Variants in PVT1 observed in about 807,000 individuals in gnomAD.
PVT1 encodes CXCR4/PVT1 fusion.
intron 2 of PVT1, among the ~76,000 whole-genome samples, chr8:127,833,413 T>C (rs1399333768): frequency 6.6e-6 from 1 of 151,916 alleles, no homozygotes; most frequent in Non-Finnish European, 1.5e-5. Flanking sequence ...CCGGGGTAAG[T>C]GAACATCAAT....
chr8:127,911,085 G>A lies in PVT1; in HGVS notation n.782+20087G>A, dbSNP rs1046116487. 1.7e-4 allele frequency among the ~76,000 whole-genome samples: 26 copies of A among 152,242 alleles called. No individual in the cohort carries two copies. In the East Asian group the frequency reaches 5.0e-3, roughly 29 times the overall value. ...ACAATCTGTCACTCCCAGAACCTGA[G>A]GCAGGCTGGACCTATAGACTTCCAC... On this transcript the variant is annotated intron_variant and non_coding_transcript_variant, in intron 3 of 10. Transcript: ENST00000651587.
intron 4 of PVT1, among the ~76,000 whole-genome samples, chr8:128,013,204 C>G (rs1817335530): frequency 1.3e-5 from 2 of 152,130 alleles, no homozygotes; most frequent in Non-Finnish European, 2.9e-5. Flanking sequence ...CTGTTTCCAT[C>G]TCCTCTGTAA....
chr8:128,080,731 A>G (rs1814164802), intron 5 of PVT1, among the ~76,000 whole-genome samples: 1 of 152,192 alleles, frequency 6.6e-6, no homozygotes, highest in Non-Finnish European at 1.5e-5. Context: ...CAGGTCATCA[A>G]TTAGTTTTTT....
At chr8:127,855,989 C>G (rs1815156057) in intron 2 of PVT1, among the ~76,000 whole-genome samples, 1 of 152,204 alleles carries the variant, frequency 6.6e-6, no homozygotes. Context: ...CATTTATATT[C>G]AAGTTCATTC....
At chr8:127,831,263 G>T (rs747905475) in intron 2 of PVT1, among the ~76,000 whole-genome samples, 5 of 151,122 alleles carry the variant, frequency 3.3e-5, no homozygotes, top group Non-Finnish European at 7.4e-5. Flanking sequence ...GACCAGTCTG[G>T]ACAACTTAGA....
chr8:127,937,598 G>C (rs888094697), intron 3 of PVT1, among the ~76,000 whole-genome samples: 2 of 149,014 alleles, frequency 1.3e-5, no homozygotes, highest in African/African-American at 5.1e-5. Flanking sequence ...GAGAGAGAGA[G>C]AGAGAGAGAG....
intron 2 of PVT1, among the ~76,000 whole-genome samples, chr8:127,852,825 T>C (rs56277625): frequency 4.6e-5 from 7 of 152,340 alleles, no homozygotes; most frequent in South Asian, 2.1e-4. Context: ...TGACATGTTC[T>C]GATGATCTGG....
At chr8:127,937,745 T>C (rs963951149) in intron 3 of PVT1, among the ~76,000 whole-genome samples, 1 of 152,196 alleles carries the variant, frequency 6.6e-6, no homozygotes, top group Non-Finnish European at 1.5e-5. Context: ...AGGAAGACTC[T>C]AGGATTACAG....
At chr8:127,861,428 G>A (rs1815226710) in intron 2 of PVT1, among the ~76,000 whole-genome samples, 1 of 152,114 alleles carries the variant, frequency 6.6e-6, no homozygotes, top group Non-Finnish European at 1.5e-5. Context: ...GGCCAACATG[G>A]CAAAACCCTG....
chr8:127,876,531 C>T (rs1815407061), intron 2 of PVT1, among the ~76,000 whole-genome samples: 1 of 151,322 alleles, frequency 6.6e-6, no homozygotes, highest in Admixed American at 6.6e-5. Flanking sequence ...CCTTCTTTCC[C>T]CTTCTCTCCC....
chr8:128,060,659 A>G (rs533616468), intron 4 of PVT1, among the ~76,000 whole-genome samples: 6 of 152,342 alleles, frequency 3.9e-5, no homozygotes, highest in African/African-American at 1.2e-4. Context: ...TTAGGCCACA[A>G]TGCCAAACAC....
chr8:127,818,501 C>T (rs570167653), intron 2 of PVT1, among the ~76,000 whole-genome samples: 3 of 152,268 alleles, frequency 2.0e-5, no homozygotes, highest in South Asian at 2.1e-4. Context: ...TCATGTATTA[C>T]GTCAGGCTCA....
chr8:127,797,125 G>A lies in PVT1; in HGVS notation n.372+1054G>A, dbSNP rs139536183. On this transcript the variant is annotated intron_variant and non_coding_transcript_variant, in intron 2 of 10. Coordinates refer to ENST00000651587, the Ensembl canonical transcript of PVT1. ...ACTCCCAGCCTCAGGTGATCCGCCC[G>A]CCTTGGCCTCCCAAAATGCTGGGAG... Among the ~76,000 whole-genome samples, 144 of 151,580 alleles carry A rather than the reference G, an allele frequency of 9.5e-4. 2 individuals carry two copies. Among genetic ancestry groups the A allele is most frequent in the African/African-American group, 3.2e-3 (132 of 41,368 alleles).
chr8:127,812,626 G>GAGGA (rs776722018), intron 2 of PVT1, among the ~76,000 whole-genome samples: 5 of 146,014 alleles, frequency 3.4e-5, no homozygotes, highest in Non-Finnish European at 6.0e-5. Flanking sequence ...GAAAGGGAGA[G>GAGGA]AGGAAGGAAG....
At chr8:128,065,026 A>G (rs1406704232) in intron 4 of PVT1, among the ~76,000 whole-genome samples, 1 of 152,140 alleles carries the variant, frequency 6.6e-6, no homozygotes, top group African/African-American at 2.4e-5. Context: ...TTCAATACCC[A>G]GATTTTACTA....
intron 3 of PVT1, among the ~76,000 whole-genome samples, chr8:127,938,282 G>C (rs892998699): frequency 1.3e-5 from 2 of 152,204 alleles, no homozygotes; most frequent in African/African-American, 4.8e-5. Flanking sequence ...CCAGGGAAAG[G>C]ATGCCGTCCC....
intron 4 of PVT1, among the ~76,000 whole-genome samples, chr8:128,037,015 G>A (rs1440886394): frequency 6.6e-6 from 1 of 152,202 alleles, no homozygotes; most frequent in Non-Finnish European, 1.5e-5. Context: ...TTGCTGTTGA[G>A]ATTCTCACCA....
At chr8:127,923,832 T>C (rs1389691230) in intron 3 of PVT1, among the ~76,000 whole-genome samples, 1 of 152,210 alleles carries the variant, frequency 6.6e-6, no homozygotes, top group Non-Finnish European at 1.5e-5. Context: ...AAGTGTCAGA[T>C]CCTGGTGTGC....
intron 4 of PVT1, among the ~76,000 whole-genome samples, chr8:128,015,542 A>G (rs1309746457): frequency 1.3e-5 from 2 of 152,090 alleles, no homozygotes; most frequent in Admixed American, 6.6e-5. Context: ...TTGGGAGGCC[A>G]AGGTGGTAGA....
Sources: gnomAD v4.1 joint callset for allele counts (sites outside exome capture counted in the v4.1 genomes callset) on GRCh38, gnomAD v4.1.1 for gene constraint, MANE v1.5 for transcripts, NCBI Gene and HGNC (gene_info 2026-07-23, HGNC 2026-07-21) for gene names.